Variants in FBXO39 observed in about 807,000 individuals in gnomAD.
FBXO39 encodes F-box protein 39, also known as F-box only protein 39.
In FBXO39, 22 loss-of-function variants were observed where a neutral mutation model predicts 36.6. That is an observed-to-expected ratio of 0.60 (90% CI 0.43 to 0.86). The LOEUF (loss-of-function observed/expected upper bound fraction) is 0.86, where lower values mean the gene tolerates loss of function less well. Among genes scored for constraint, FBXO39 ranks in the 40% least tolerant of loss-of-function variants. FBXO39 has a pLI of 0.00. For missense variants in FBXO39, 536 were observed against 543.9 expected (o/e 0.99, Z 0.14); for synonymous variants, 206 against 205.8 (o/e 1.00, Z -0.01).
chr17:6,786,059 T>C (rs1461862397), intron 2 of FBXO39, among the ~76,000 whole-genome samples: 2 of 152,220 alleles, frequency 1.3e-5, no homozygotes, highest in African/African-American at 2.4e-5. Flanking sequence ...ACTCTCATGT[T>C]TATTGCAGCA....
chr17:6,787,247 TGTGTGTGC>T (rs1567672517), intron 3 of FBXO39, 45 bp from the exon 4 acceptor site: 7 of 1,474,342 alleles, frequency 4.7e-6, no homozygotes, highest in East Asian at 2.8e-5. Context: ...TATGTGTGTG[TGTGTGTGC>T]GTGTGTGCGT....
chr17:6,783,320 T>G (rs186283274), intron 2 of FBXO39, among the ~76,000 whole-genome samples: 1 of 151,534 alleles, frequency 6.6e-6, no homozygotes, highest in Non-Finnish European at 1.5e-5. Context: ...GAAGAAAAAC[T>G]TCAAATAAAC....
chr17:6,779,765 G>C (rs1046621749), intron 1 of FBXO39, 24 bp from the exon 2 acceptor site: 2 of 1,226,788 alleles, frequency 1.6e-6, no homozygotes, highest in Admixed American at 4.4e-5. Context: ...ACAGGTAATG[G>C]CTCTTCCTTT....
Position 6,780,116 on chromosome 17 carries a change from A to G in FBXO39, c.248A>G (p.Lys83Arg). Residue 83 changes from lysine to arginine, a missense_variant, in exon 2 of 4, where the codon AAG (lysine) becomes AGG (arginine). By Grantham distance (26) the Lys-to-Arg change is conservative. Coordinates refer to ENST00000321535, the MANE Select transcript of FBXO39 (RefSeq NM_153230.3). ...SEVESAVWYV[K>R]KFGRYLEHLE... is the part of the protein sequence containing the mutation. ...GTTGAGTCAGCTGTTTGGTATGTTA[A>G]GAAGTTTGGTCGTTATCTGGAGCAC... 1 of 1,614,194 alleles carries G rather than the reference A, an allele frequency of 6.2e-7. No homozygotes were observed. The highest frequency in any genetic ancestry group is 2.2e-5 in the East Asian group (1 of 44,886).
At position 6,786,986 on chromosome 17, in the gene FBXO39, G is replaced by A. The variant is rs759401338; in HGVS notation, c.1200+30G>A. Reference sequence around the variant, plus strand: ...GAGGTCCCCAGGCTGGTTCCACGGCGTAGAGTGGGGGCATCCAGGAATGGT... The same window carrying A: ...GAGGTCCCCAGGCTGGTTCCACGGCATAGAGTGGGGGCATCCAGGAATGGT... On this transcript the variant is annotated intron_variant, in intron 3 of 3. Coordinates refer to ENST00000321535, the MANE Select transcript of FBXO39 (RefSeq NM_153230.3). 5.2e-5 allele frequency: 83 copies of A among 1,590,894 alleles called. 1 individual carries two copies. The highest frequency in any genetic ancestry group is 1.1e-4 in the Admixed American group (6 of 56,814).
intron 1 of FBXO39, among the ~76,000 whole-genome samples, chr17:6,778,667 T>C (rs532616634): frequency 2.0e-5 from 3 of 152,226 alleles, no homozygotes; most frequent in African/African-American, 7.2e-5. Context: ...CTTTGAACAA[T>C]GGGGGTTTGG....
Position 6,780,694 on chromosome 17 carries a change from C to T in FBXO39, c.826C>T (p.Leu276=). The T allele has an allele frequency of 2.5e-6, 4 of 1,614,156 alleles. No homozygotes were observed. ...QVIWGMSWAK[L]ARQATNLKVN... is the part of the protein sequence containing the mutation. ...CATCTGGGGTATGTCCTGGGCCAAG[C>T]TGGCCAGGCAGGCCACCAATCTGAA... Residue 276 remains leucine, a synonymous_variant, in exon 2 of 4, where the codon CTG becomes TTG. Transcript: ENST00000321535.
At chr17:6,781,379 C>T (rs1436516424) in intron 2 of FBXO39, among the ~76,000 whole-genome samples, 2 of 152,136 alleles carry the variant, frequency 1.3e-5, no homozygotes, top group Non-Finnish European at 2.9e-5. Flanking sequence ...ATTTGATTTA[C>T]ACAACCGAAG....
Position 6,779,999 on chromosome 17 carries a change from G to T in FBXO39, c.131G>T (p.Arg44Ile), listed in dbSNP as rs1976485019. Residue 44 changes from arginine to isoleucine, a missense_variant, in exon 2 of 4, where the codon AGA (arginine) becomes ATA (isoleucine). Coordinates refer to ENST00000321535, the MANE Select transcript of FBXO39 (RefSeq NM_153230.3). ...RDRSRAALVC[R>I]KWNQMMYSAE... ...AGGTCCAGGGCTGCTCTTGTCTGCA[G>T]AAAGTGGAACCAGATGATGTATTCT... The T allele has an allele frequency of 6.2e-7, 1 of 1,614,246 alleles. No homozygotes were observed. Among genetic ancestry groups the T allele is most frequent in the African/African-American group, 1.3e-5 (1 of 75,068 alleles).
chr17:6,779,978 C>T lies in FBXO39; in HGVS notation c.110C>T (p.Ser37Phe), dbSNP rs964089461. 4.3e-6 allele frequency: 7 copies of T among 1,614,034 alleles called. No individual in the cohort carries two copies. In the African/African-American group the frequency reaches 9.3e-5, roughly 22 times the overall value. ...VFWWLGDRDR[S>F]RAALVCRKWN... ...TGGTGGCTAGGAGACAGGGACAGGT[C>T]CAGGGCTGCTCTTGTCTGCAGAAAG... is the stretch of plus-strand genomic sequence containing the variant. Residue 37 changes from serine to phenylalanine, a missense_variant, in exon 2 of 4, where the codon TCC (serine) becomes TTC (phenylalanine). Physicochemically the swap from Ser to Phe is radical, Grantham distance 155. Coordinates refer to ENST00000321535, the MANE Select transcript of FBXO39 (RefSeq NM_153230.3).
rs751519823 is a variant in FBXO39 at position 6,779,778 on chromosome 17, A to G, written c.-80-11A>G. 6 of 1,349,928 alleles carry G rather than the reference A, an allele frequency of 4.4e-6. No individual in the cohort carries two copies. Among genetic ancestry groups the G allele is most frequent in the Non-Finnish European group, 6.1e-6 (6 of 986,906 alleles). 83.6% of individuals were successfully genotyped at this position (1,349,928 alleles called of 1,614,324 possible). A position where few individuals can be genotyped will look rare whatever the true frequency, so the allele number is the denominator to read the frequency against. On this transcript the variant is annotated splice_polypyrimidine_tract_variant and intron_variant, in intron 1 of 3. Coordinates refer to ENST00000321535, the MANE Select transcript of FBXO39 (RefSeq NM_153230.3). ...TGACAGGTAATGGCTCTTCCTTTTT[A>G]TTCCCCACAGAAAGCAAGTGATTGC...
At chr17:6,779,677 C>A in intron 1 of FBXO39, 112 bp from the exon 2 acceptor site, 1 of 608,948 alleles carries the variant, frequency 1.6e-6, no homozygotes, top group Non-Finnish European at 2.9e-6. Flanking sequence ...TATCATTGAA[C>A]CACCCACACC....
chr17:6,787,223 C>CGTGTGTGTGTGTGTGT, intron 3 of FBXO39, 77 bp from the exon 4 acceptor site: 4 of 1,397,110 alleles, frequency 2.9e-6, no homozygotes, highest in South Asian at 1.4e-5. Context: ...GTGTAGTCAC[C>CGTGTGTGTGTGTGTGT]GTGTGTGTGT....
rs1486326990 is a variant in FBXO39 at position 6,780,294 on chromosome 17, G to C, written c.426G>C (p.Arg142Ser). 1 of 1,614,024 alleles carries C rather than the reference G, an allele frequency of 6.2e-7. No individual in the cohort carries two copies. Among genetic ancestry groups the C allele is most frequent in the Non-Finnish European group, 8.5e-7 (1 of 1,180,044 alleles). ...TGGAGCTGGACCGCCTGGTATGGAG[G>C]AACAGCATCAGGAGCTCATTCATCA... ...QYLELDRLVW[R>S]NSIRSSFISS... Residue 142 changes from arginine to serine, a missense_variant, in exon 2 of 4, where the codon AGG (arginine) becomes AGC (serine). By Grantham distance (110) the Arg-to-Ser change is moderately radical. Transcript: ENST00000321535.
At chr17:6,787,251 T>TGCGCGCAC (rs748170024) in intron 3 of FBXO39, 49 bp from the exon 4 acceptor site, 8 of 1,571,510 alleles carry the variant, frequency 5.1e-6, no homozygotes, top group Admixed American at 1.7e-5. Context: ...TGTGTGTGTG[T>TGCGCGCAC]GTGCGTGTGT....
intron 1 of FBXO39, among the ~76,000 whole-genome samples, chr17:6,777,720 G>A (rs867670214): frequency 1.3e-5 from 2 of 152,112 alleles, no homozygotes; most frequent in African/African-American, 2.4e-5. Flanking sequence ...GTTGTCAAGG[G>A]GTGTGTGGGT....
chr17:6,781,015 G>T, intron 2 of FBXO39, 124 bp downstream of exon 2: 1 of 1,076,674 alleles, frequency 9.3e-7, no homozygotes, highest in South Asian at 1.6e-5. Flanking sequence ...GAAGTTCTAG[G>T]AAATACCACC....
At chr17:6,777,321 C>G (rs1417712991) in intron 1 of FBXO39, among the ~76,000 whole-genome samples, 1 of 152,020 alleles carries the variant, frequency 6.6e-6, no homozygotes, top group Non-Finnish European at 1.5e-5. Context: ...CATGTGTTCT[C>G]ATTGTTCAAC....
At position 6,780,654 on chromosome 17, in the gene FBXO39, C is replaced by T. The variant is rs1193363590; in HGVS notation, c.786C>T (p.Asp262=). ...RTINIKCHVH[D]PHGQVIWGMS... is the part of the protein sequence containing the mutation. ...TCAACATCAAATGCCACGTTCATGA[C>T]CCCCACGGACAGGTCATCTGGGGTA... The change falls in exon 2 of 4, where the codon GAC becomes GAT. Residue 262 remains aspartate, a synonymous_variant. Transcript: ENST00000321535. 3 of 1,614,018 alleles carry T rather than the reference C, an allele frequency of 1.9e-6. No individual in the cohort carries two copies. Among genetic ancestry groups the T allele is most frequent in the African/African-American group, 2.7e-5 (2 of 74,912 alleles).
Sources: gnomAD v4.1 joint callset for allele counts (sites outside exome capture counted in the v4.1 genomes callset) on GRCh38, gnomAD v4.1.1 for gene constraint, MANE v1.5 for transcripts, NCBI Gene and HGNC (gene_info 2026-07-23, HGNC 2026-07-21) for gene names.